The following STK24 variants were observed in gnomAD, a reference collection of about 807,000 sequenced individuals.
STK24 encodes serine/threonine-protein kinase 24.
Under a neutral mutation model 55.6 loss-of-function variants are expected in STK24, and 21 were observed. The observed-to-expected ratio is 0.38, with a 90% CI of 0.27 to 0.54. The LOEUF is 0.54. Among genes scored for constraint, STK24 ranks in the 20% least tolerant of loss-of-function variants. The pLI, the probability that STK24 is intolerant of heterozygous loss-of-function variation, is 0.79. For synonymous variants in STK24, 200 were observed against 215.2 expected (o/e 0.93, Z 0.62); for missense variants, 383 against 538.4 (o/e 0.71, Z 2.86).
rs1159096744 is a variant in STK24, at chr13:98,452,465, G to A, written c.*708C>T. On this transcript the variant is annotated 3_prime_UTR_variant, in exon 11 of 11. Transcript: ENST00000539966. The stretch of plus-strand genomic sequence containing the variant: ...GTACCAAAAGGGGCGTAGGGCAAAC[G>A]GGGAAAATTTGCATTTGTTGAGGTA... 6 of 152,606 alleles carry A rather than the reference G, an allele frequency of 3.9e-5. No homozygotes were observed. The highest frequency in any genetic ancestry group is 1.9e-4 in the East Asian group (1 of 5,192). The allele number at this position is 152,606 out of a possible 1,614,324, so 9.5% of individuals were successfully genotyped here. A position where few individuals can be genotyped will look rare whatever the true frequency, so the allele number is the denominator to read the frequency against.
At chr13:98,507,861 A>G (rs1402780004) in intron 2 of STK24, among the ~76,000 whole-genome samples, 4 of 152,134 alleles carry the variant, frequency 2.6e-5, no homozygotes, top group Admixed American at 2.6e-4. Context: ...AGCTTCTTTT[A>G]TGACACTTCC....
chr13:98,446,035 G>GCTCT lies in STK24; in HGVS notation c.*7134_*7137dup. 2 of 1,129,100 alleles carry GCTCT rather than the reference G, an allele frequency of 1.8e-6. No individual in the cohort carries two copies. Among genetic ancestry groups the GCTCT allele is most frequent in the South Asian group, 2.6e-5 (2 of 77,262 alleles). The allele number at this position is 1,129,100 out of a possible 1,614,324, so 69.9% of individuals were successfully genotyped here. A position where few individuals can be genotyped will look rare whatever the true frequency, so the allele number is the denominator to read the frequency against. ...CCAGGGCCCTGGTGCAGGGAGAGCTGCTCTCTGTGCCCTCCTGGGGCAGGT... is the reference window on the plus strand; with the variant it reads ...CCAGGGCCCTGGTGCAGGGAGAGCTGCTCTCTCTCTGTGCCCTCCTGGGGCAGGT... On this transcript the variant is annotated 3_prime_UTR_variant, in exon 11 of 11. Transcript: ENST00000539966.
At chr13:98,492,575 G>C (rs1895083313) in intron 2 of STK24, among the ~76,000 whole-genome samples, 1 of 152,210 alleles carries the variant, frequency 6.6e-6, no homozygotes, top group Non-Finnish European at 1.5e-5. Flanking sequence ...CTTTTCAAGA[G>C]GCTTGAGCTG....
At chr13:98,481,483 C>T (rs992351383) in intron 3 of STK24, among the ~76,000 whole-genome samples, 3 of 152,214 alleles carry the variant, frequency 2.0e-5, no homozygotes, top group East Asian at 1.9e-4. Flanking sequence ...TTAGGCATGA[C>T]CACTGCTCCC....
chr13:98,457,437 G>A lies in STK24; in HGVS notation c.1123-133C>T, dbSNP rs1893512043. On this transcript the variant is annotated intron_variant, in intron 9 of 10. Transcript: ENST00000539966. ...CCCCAGGGTGTCCGGGAAAAGCTTT[G>A]GCTAGGGCTCCAGGCCACTTCAAAT... 5 of 1,251,454 alleles carry A rather than the reference G, an allele frequency of 4.0e-6. No individual in the cohort carries two copies. The South Asian group carries it at 6.6e-5, about 17-fold the overall frequency. 77.5% of individuals were successfully genotyped at this position (1,251,454 alleles called of 1,614,324 possible). A position where few individuals can be genotyped will look rare whatever the true frequency, so the allele number is the denominator to read the frequency against.
In STK24 at chr13:98,450,352, A is replaced by T. The variant is rs1335328090; in HGVS notation, c.*2821T>A. The T allele has an allele frequency of 6.6e-6, 1 of 152,190 alleles. No individual in the cohort carries two copies. Among genetic ancestry groups the T allele is most frequent in the East Asian group, 1.9e-4 (1 of 5,196 alleles). The allele number at this position is 152,190 out of a possible 1,614,324, so 9.4% of individuals were successfully genotyped here. A position where few individuals can be genotyped will look rare whatever the true frequency, so the allele number is the denominator to read the frequency against. On this transcript the variant is annotated 3_prime_UTR_variant, in exon 11 of 11. Transcript: ENST00000539966. ...AGGGAAATATAAAAAATGTTTATAA[A>T]CTGACAGTGTTTTGCCAGAGGAAAG...
chr13:98,473,500 G>A (rs147859818), intron 5 of STK24, among the ~76,000 whole-genome samples: 2 of 151,870 alleles, frequency 1.3e-5, no homozygotes, highest in African/African-American at 4.8e-5. Context: ...GTAAGTTCCT[G>A]GTCGAGTCCC....
intron 1 of STK24, among the ~76,000 whole-genome samples, chr13:98,557,992 A>C (rs1408477053): frequency 6.6e-6 from 1 of 152,198 alleles, no homozygotes; most frequent in African/African-American, 2.4e-5. Context: ...TCAGCCGGCT[A>C]GGTCTAGATA....
intron 1 of STK24, among the ~76,000 whole-genome samples, chr13:98,552,173 T>C (rs1175969003): frequency 1.3e-5 from 2 of 152,222 alleles, no homozygotes; most frequent in Non-Finnish European, 2.9e-5. Context: ...ATTCTATATT[T>C]TGAATAAATT....
intron 2 of STK24, among the ~76,000 whole-genome samples, chr13:98,509,491 C>CA (rs796955141): frequency 0.042 from 5,962 of 142,536 alleles, 403 homozygotes; most frequent in African/African-American, 0.14. Context: ...TCCTCAAAAA[C>CA]AAAAAAAAAA....
chr13:98,575,402 T>TACACACAC (rs769540722), intron 1 of STK24, among the ~76,000 whole-genome samples: 11 of 98,638 alleles, frequency 1.1e-4, no homozygotes, highest in South Asian at 5.9e-4. Flanking sequence ...ATACTGCTTA[T>TACACACAC]ATATACACAC....
Position 98,492,543 on chromosome 13 carries a change from C to T in STK24, c.274-10222G>A, listed in dbSNP as rs369785364. The stretch of plus-strand genomic sequence containing the variant: ...TCAGGATTTGCTCCGCACAGCCCAC[C>T]CCCAGGTGGGCAGGATGCAGGCTTT... On this transcript the variant is annotated intron_variant, in intron 2 of 10. Transcript: ENST00000539966. Among the ~76,000 whole-genome samples the T allele has an allele frequency of 1.3e-4, 20 of 152,320 alleles. 2 individuals carry two copies. The highest frequency in any genetic ancestry group is 4.6e-4 in the African/African-American group (19 of 41,574).
chr13:98,546,290 A>C (rs1391901970), intron 1 of STK24, among the ~76,000 whole-genome samples: 1 of 151,798 alleles, frequency 6.6e-6, no homozygotes, highest in Non-Finnish European at 1.5e-5. Context: ...TGATCTGGTG[A>C]GCAGTTCAGG....
rs1451288719 is a variant in STK24, at chr13:98,577,105, A to C, written c.-319T>G. The C allele has an allele frequency of 6.9e-6, 1 of 144,790 alleles. No homozygotes were observed. Among genetic ancestry groups the C allele is most frequent in the Non-Finnish European group, 1.5e-5 (1 of 65,322 alleles). The allele number at this position is 144,790 out of a possible 1,614,324, so 9.0% of individuals were successfully genotyped here. On this transcript the variant is annotated 5_prime_UTR_variant, in exon 1 of 11. Coordinates refer to ENST00000539966, the MANE Select transcript of STK24 (RefSeq NM_001032296.4). This position sits in a 1 kb window ranked among gnomAD's most constrained non-coding sequence, Gnocchi z 4.1. Reference sequence around the variant, plus strand: ...CGCGCGCGCTGGCCGCTGGAGCCGGAGTGGGCGCGCACAGCCCGCCGAGCC... The same window carrying C: ...CGCGCGCGCTGGCCGCTGGAGCCGGCGTGGGCGCGCACAGCCCGCCGAGCC...
intron 2 of STK24, among the ~76,000 whole-genome samples, chr13:98,504,384 T>G (rs911235309): frequency 6.6e-6 from 1 of 152,202 alleles, no homozygotes; most frequent in Non-Finnish European, 1.5e-5. Context: ...AGATTTCTGG[T>G]CCACCATGCC....
chr13:98,487,534 G>A (rs369120124), intron 2 of STK24, among the ~76,000 whole-genome samples: 55 of 151,884 alleles, frequency 3.6e-4, no homozygotes, highest in African/African-American at 1.3e-3. Flanking sequence ...AAGTCATCAC[G>A]ACATCTAATG....
At chr13:98,554,169 C>A (rs1390174446) in intron 1 of STK24, among the ~76,000 whole-genome samples, 2 of 151,656 alleles carry the variant, frequency 1.3e-5, no homozygotes, top group African/African-American at 2.4e-5. Flanking sequence ...GCATTTAAGC[C>A]CCCCATATGC....
chr13:98,526,055 G>A (rs754781245), intron 1 of STK24, among the ~76,000 whole-genome samples: 10 of 152,238 alleles, frequency 6.6e-5, no homozygotes, highest in African/African-American at 1.7e-4. Flanking sequence ...AAAGCTGAGC[G>A]GGTGAGGGAT....
intron 2 of STK24, among the ~76,000 whole-genome samples, chr13:98,486,054 C>G (rs768140918): frequency 6.6e-6 from 1 of 151,960 alleles, no homozygotes; most frequent in Non-Finnish European, 1.5e-5. Context: ...TGGGGCCTGT[C>G]GGAGGGTGGT....
Sources: gnomAD v4.1 joint callset for allele counts (sites outside exome capture counted in the v4.1 genomes callset) on GRCh38, gnomAD v4.1.1 for gene constraint, Gnocchi (gnomAD v3.1) non-coding constraint, MANE v1.5 for transcripts, NCBI Gene and HGNC (gene_info 2026-07-23, HGNC 2026-07-21) for gene names.